The following NMT2 variants were observed in gnomAD, a reference collection of about 807,000 sequenced individuals.
The protein encoded by NMT2 is N-myristoyltransferase 2, also known as glycylpeptide N-tetradecanoyltransferase 2.
NMT2 carries 35 observed loss-of-function variants against 65.4 expected under a neutral mutation model. The observed-to-expected ratio is 0.54, with a 90% CI of 0.41 to 0.71. The LOEUF is 0.71. Ranked by LOEUF, NMT2 falls within the 30% of genes least tolerant of loss-of-function variation. The pLI is 0.00. For synonymous variants in NMT2, 226 were observed against 231.8 expected, an observed-to-expected ratio of 0.98 and a Z score of 0.23; for missense variants, 489 against 611.3, an observed-to-expected ratio of 0.80 and a Z score of 2.11.
At chr10:15,112,212 ATATATTTTTTTTTTTTTTTTTTTTTTT>A (rs1271566095) in intron 10 of NMT2, among the ~76,000 whole-genome samples, 3 of 17,636 alleles carry the variant, frequency 1.7e-4, no homozygotes, top group Non-Finnish European at 2.6e-4. Flanking sequence ...ATATATATAT[ATATATTTTTTTTTTTTTTTTTTTTTTT>A]TTTTTTTTTT....
chr10:15,119,322 T>C (rs1845847042), intron 9 of NMT2, 21 bp downstream of exon 9: 10 of 1,610,554 alleles, frequency 6.2e-6, no homozygotes, highest in African/African-American at 1.3e-5. Context: ...AGAAGCTTTA[T>C]GTTTATCACC....
intron 6 of NMT2, among the ~76,000 whole-genome samples, chr10:15,131,919 G>A (rs956526495): frequency 6.6e-6 from 1 of 151,884 alleles, no homozygotes; most frequent in Non-Finnish European, 1.5e-5. Context: ...ATGCTGGAGT[G>A]CAGTGGTATA....
At chr10:15,154,200 C>T (rs1832909733) in intron 1 of NMT2, among the ~76,000 whole-genome samples, 1 of 152,272 alleles carries the variant, frequency 6.6e-6, no homozygotes, top group East Asian at 1.9e-4. Context: ...CATATCCCAG[C>T]CAGCAGGAGG....
chr10:15,161,107 A>AAAAAAAC (rs1833180053), intron 1 of NMT2, among the ~76,000 whole-genome samples: 1 of 150,138 alleles, frequency 6.7e-6, no homozygotes, highest in Non-Finnish European at 1.5e-5. Flanking sequence ...AAAAAAAAAA[A>AAAAAAAC]AAACACAAAG....
In NMT2 at chr10:15,132,946, T is replaced by A. The variant is rs1464959467; in HGVS notation, c.603-13A>T. ...TGGACGCAGAGCCCTGAGGTCACGG[T>A]AGACAAGAAAACAGGCACCAGTTAT... On this transcript the variant is annotated splice_polypyrimidine_tract_variant and intron_variant, in intron 5 of 11. Transcript: ENST00000378165. The A allele has an allele frequency of 1.2e-6, 2 of 1,608,488 alleles. No individual in the cohort carries two copies. The highest frequency in any genetic ancestry group is 3.3e-4 in the Middle Eastern group (2 of 6,040).
chr10:15,121,432 A>G (rs1004406048), intron 8 of NMT2, among the ~76,000 whole-genome samples: 1 of 152,092 alleles, frequency 6.6e-6, no homozygotes, highest in African/African-American at 2.4e-5. Context: ...CAATGGTGCG[A>G]TCTCGGTTCA....
intron 1 of NMT2, among the ~76,000 whole-genome samples, chr10:15,164,841 G>A (rs1256454848): frequency 6.6e-6 from 1 of 151,782 alleles, no homozygotes; most frequent in African/African-American, 2.4e-5. Flanking sequence ...AGACCAGCCT[G>A]ACCAACATGG....
At chr10:15,114,465 A>C (rs1173612214) in intron 9 of NMT2, among the ~76,000 whole-genome samples, 1 of 152,150 alleles carries the variant, frequency 6.6e-6, no homozygotes, top group Non-Finnish European at 1.5e-5. Context: ...AACAAAACAA[A>C]ACAAAAAAAC....
intron 10 of NMT2, among the ~76,000 whole-genome samples, chr10:15,110,094 A>G (rs1845456816): frequency 6.6e-6 from 1 of 152,058 alleles, no homozygotes; most frequent in Admixed American, 6.6e-5. Flanking sequence ...CAACATGGCG[A>G]AACCCCATCT....
chr10:15,143,594 C>G (rs995328568), intron 1 of NMT2, among the ~76,000 whole-genome samples: 1 of 152,338 alleles, frequency 6.6e-6, no homozygotes, highest in East Asian at 1.9e-4. Context: ...TGGTGGCTCA[C>G]GCCTATAATC....
In NMT2 at chr10:15,108,443, C is replaced by T; in HGVS notation, c.*752G>A. On this transcript the variant is annotated 3_prime_UTR_variant, in exon 12 of 12. Coordinates refer to ENST00000378165, the MANE Select transcript of NMT2 (RefSeq NM_004808.3). ...CTCATGATCTGCCCACCTTGGCCTC[C>T]CAAAGTGCTGGGATTACAGGCGTGA... The T allele has an allele frequency of 1.1e-6, 1 of 932,974 alleles. No individual in the cohort carries two copies. The highest frequency in any genetic ancestry group is 1.3e-6 in the Non-Finnish European group (1 of 782,132). The allele number at this position is 932,974 out of a possible 1,614,324, so 57.8% of individuals were successfully genotyped here.
chr10:15,130,703 CAAAAA>C lies in NMT2; in HGVS notation c.720-396_720-392del, dbSNP rs974360507. On this transcript the variant is annotated intron_variant, in intron 6 of 11. Coordinates refer to ENST00000378165, the MANE Select transcript of NMT2 (RefSeq NM_004808.3). ...TGGACAACAGAGCAAGGCCCTGTCT[CAAAAA>C]AAAAAAAAAAAAAAAAAAAGAAAAG... 1.4e-4 allele frequency among the ~76,000 whole-genome samples: 4 copies of C among 28,638 alleles called. No individual in the cohort carries two copies. The East Asian group carries it at 4.1e-3, about 29-fold the overall frequency. The allele number at this position is 28,638 out of a possible 152,430, so 18.8% of individuals were successfully genotyped here. A position where few individuals can be genotyped will look rare whatever the true frequency, so the allele number is the denominator to read the frequency against.
At chr10:15,114,617 A>G (rs556339321) in intron 9 of NMT2, among the ~76,000 whole-genome samples, 316 of 152,326 alleles carry the variant, frequency 2.1e-3, no homozygotes, top group Non-Finnish European at 3.2e-3. Flanking sequence ...AGCTCATTCT[A>G]ACTTTGGTAT....
intron 8 of NMT2, among the ~76,000 whole-genome samples, chr10:15,124,276 G>A (rs1252782441): frequency 2.6e-5 from 4 of 152,210 alleles, no homozygotes; most frequent in Admixed American, 1.3e-4. Context: ...GGGAGGCATC[G>A]TAAGGCGTGT....
intron 1 of NMT2, among the ~76,000 whole-genome samples, chr10:15,148,739 C>A (rs1847045377): frequency 6.6e-6 from 1 of 151,864 alleles, no homozygotes; most frequent in Admixed American, 6.6e-5. Flanking sequence ...ATTCCTAGCA[C>A]CGAAAATAGT....
At chr10:15,115,378 G>T (rs969689424) in intron 9 of NMT2, among the ~76,000 whole-genome samples, 1 of 152,120 alleles carries the variant, frequency 6.6e-6, no homozygotes, top group African/African-American at 2.4e-5. Flanking sequence ...AGTAATAAAT[G>T]TTGTTACCAA....
At chr10:15,138,275 T>C in intron 2 of NMT2, 1 of 447,100 alleles carries the variant, frequency 2.2e-6, no homozygotes, top group Non-Finnish European at 4.7e-6. Flanking sequence ...CCTCCCAAAA[T>C]GTGGTGATTA....
chr10:15,138,615 TAG>T (rs1846608090), intron 2 of NMT2, among the ~76,000 whole-genome samples: 1 of 152,182 alleles, frequency 6.6e-6, no homozygotes, highest in African/African-American at 2.4e-5. Flanking sequence ...CCAAATTTAA[TAG>T]TACCTTGGAA....
chr10:15,162,935 A>G (rs1043984977), intron 1 of NMT2, among the ~76,000 whole-genome samples: 1 of 150,584 alleles, frequency 6.6e-6, no homozygotes, highest in Non-Finnish European at 1.5e-5. Flanking sequence ...AGAGATATAT[A>G]TATATGTATA....
Sources: allele counts gnomAD v4.1 joint callset (sites outside exome capture counted in the v4.1 genomes callset), GRCh38; gene constraint gnomAD v4.1.1; transcripts MANE v1.5; gene names NCBI Gene and HGNC (gene_info 2026-07-23, HGNC 2026-07-21).